PRKCQ: variants seen among roughly 807,000 people sequenced by gnomAD.
The protein encoded by PRKCQ is protein kinase C theta.
PRKCQ carries 41 observed loss-of-function variants against 91.2 expected under a neutral mutation model. That is an observed-to-expected ratio of 0.45 (90% CI 0.35 to 0.58). The LOEUF (loss-of-function observed/expected upper bound fraction) is 0.58. Among genes scored for constraint, PRKCQ ranks in the 20% least tolerant of loss-of-function variants. PRKCQ has a pLI of 0.00. For synonymous variants in PRKCQ, 307 were observed against 316.9 expected (o/e 0.97, Z 0.33); for missense variants, 673 against 896.5 (o/e 0.75, Z 3.18).
downstream of PRKCQ, among the ~76,000 whole-genome samples, chr10:6,424,795 C>T (rs377567380): frequency 2.3e-4 from 35 of 152,320 alleles, no homozygotes; most frequent in East Asian, 2.9e-3. Flanking sequence ...GCCAGCCTCT[C>T]GTGCACAGGG....
Position 6,524,682 on chromosome 10 carries a change from T to A in PRKCQ, c.-9-9538A>T, listed in dbSNP as rs79426137. ...AAATAAAATAACTTCTGATGTTGAATATGAACTTTTCTCCTTCAGCTCAGG... is the reference window on the plus strand; with the variant it reads ...AAATAAAATAACTTCTGATGTTGAAAATGAACTTTTCTCCTTCAGCTCAGG... On this transcript the variant is annotated intron_variant, in intron 1 of 17. Transcript: ENST00000263125. Among the ~76,000 whole-genome samples, 1,299 of 152,342 alleles carry A rather than the reference T, an allele frequency of 8.5e-3. 22 individuals carry two copies. The highest frequency in any genetic ancestry group is 0.029 in the African/African-American group (1,214 of 41,566).
At chr10:6,561,637 T>G (rs1329266562) in intron 1 of PRKCQ, among the ~76,000 whole-genome samples, 1 of 150,884 alleles carries the variant, frequency 6.6e-6, no homozygotes, top group Non-Finnish European at 1.5e-5. Flanking sequence ...TATGACAGAA[T>G]AGATTACTTT....
intron 1 of PRKCQ, among the ~76,000 whole-genome samples, chr10:6,555,995 C>A (rs371999285): frequency 1.3e-5 from 2 of 152,036 alleles, no homozygotes; most frequent in Non-Finnish European, 2.9e-5. Context: ...GGTAACAGAG[C>A]GAGACTCTGC....
At chr10:6,426,717 TATA>T (rs964168186), downstream of PRKCQ, among the ~76,000 whole-genome samples, 1 of 152,230 alleles carries the variant, frequency 6.6e-6, no homozygotes, top group African/African-American at 2.4e-5. Flanking sequence ...CTATTTTAAA[TATA>T]ATATCTAAAG....
At chr10:6,513,869 G>A (rs627715) in intron 2 of PRKCQ, among the ~76,000 whole-genome samples, 15,266 of 152,152 alleles carry the variant, frequency 0.1, 993 homozygotes, top group Middle Eastern at 0.23. Flanking sequence ...AATGTCCCTC[G>A]CTCACAGGCC....
At chr10:6,395,920 C>T in the PRKCQ span, among the ~76,000 whole-genome samples, 4 of 152,112 alleles carry the variant, frequency 2.6e-5, no homozygotes, top group East Asian at 3.9e-4. Flanking sequence ...GCTCTCGTGA[C>T]GGGTCTGAAT....
intron 7 of PRKCQ, among the ~76,000 whole-genome samples, chr10:6,492,465 T>G (rs1366691912): frequency 6.6e-6 from 1 of 152,176 alleles, no homozygotes; most frequent in Non-Finnish European, 1.5e-5. Context: ...AAGTCGCTTC[T>G]ATTAGTATCC....
intron 1 of PRKCQ, among the ~76,000 whole-genome samples, chr10:6,554,146 C>T (rs1840318056): frequency 6.6e-6 from 1 of 152,218 alleles, no homozygotes; most frequent in South Asian, 2.1e-4. Context: ...GCTGCTATTT[C>T]GTGATTCTAG....
At chr10:6,553,172 T>C (rs1266507253) in intron 1 of PRKCQ, among the ~76,000 whole-genome samples, 1 of 152,146 alleles carries the variant, frequency 6.6e-6, no homozygotes, top group Non-Finnish European at 1.5e-5. Context: ...GTTTTGACTT[T>C]GCAAACTCCC....
intron 1 of PRKCQ, among the ~76,000 whole-genome samples, chr10:6,527,248 T>C (rs1163099428): frequency 6.6e-6 from 1 of 152,230 alleles, no homozygotes; most frequent in African/African-American, 2.4e-5. Context: ...AGCCAGGTAC[T>C]GAAACTTCTT....
chr10:6,574,969 C>CT, intron 1 of PRKCQ, among the ~76,000 whole-genome samples: 1 of 151,938 alleles, frequency 6.6e-6, no homozygotes. Flanking sequence ...TACTGAAACA[C>CT]ACAATCATTC....
chr10:6,549,914 G>A (rs1368356869), intron 1 of PRKCQ, among the ~76,000 whole-genome samples: 1 of 151,964 alleles, frequency 6.6e-6, no homozygotes, highest in Non-Finnish European at 1.5e-5. Context: ...TTACAGGCGT[G>A]AGCCACCGCG....
intron 1 of PRKCQ, among the ~76,000 whole-genome samples, chr10:6,554,971 C>G (rs1840349395): frequency 6.6e-6 from 1 of 152,284 alleles, no homozygotes; most frequent in Admixed American, 6.5e-5. Flanking sequence ...GAATCATGTC[C>G]TTTGCAGCAA....
the PRKCQ span, among the ~76,000 whole-genome samples, chr10:6,414,179 G>A: frequency 1.3e-5 from 2 of 152,194 alleles, no homozygotes; most frequent in Non-Finnish European, 2.9e-5. Flanking sequence ...GGCAGCTGGG[G>A]CTCACAGGGC....
At chr10:6,469,117 T>G (rs1296637383) in intron 12 of PRKCQ, among the ~76,000 whole-genome samples, 1 of 152,184 alleles carries the variant, frequency 6.6e-6, no homozygotes, top group African/African-American at 2.4e-5. Context: ...CCCCAACCTT[T>G]GCAAGATTTG....
chr10:6,469,828 T>C (rs189292114), intron 12 of PRKCQ, among the ~76,000 whole-genome samples: 1 of 152,180 alleles, frequency 6.6e-6, no homozygotes, highest in African/African-American at 2.4e-5. Context: ...TCATTAGTTG[T>C]CAATGGAATA....
intron 2 of PRKCQ, among the ~76,000 whole-genome samples, chr10:6,514,093 C>T (rs1838628505): frequency 6.6e-6 from 1 of 152,194 alleles, no homozygotes; most frequent in African/African-American, 2.4e-5. Context: ...CTGGTCCCAG[C>T]ACTCTTGCAG....
At chr10:6,525,399 T>C (rs1372545875) in intron 1 of PRKCQ, among the ~76,000 whole-genome samples, 1 of 152,090 alleles carries the variant, frequency 6.6e-6, no homozygotes, top group Admixed American at 6.5e-5. Context: ...TCAACATGGC[T>C]AAACCCTGCC....
chr10:6,553,921 T>C (rs1368142743), intron 1 of PRKCQ, among the ~76,000 whole-genome samples: 1 of 151,870 alleles, frequency 6.6e-6, no homozygotes, highest in Non-Finnish European at 1.5e-5. Context: ...TAGTACAGAA[T>C]TATATTTGGT....
Sources: allele counts gnomAD v4.1 joint callset (sites outside exome capture counted in the v4.1 genomes callset), GRCh38; gene constraint gnomAD v4.1.1; transcripts MANE v1.5; gene names NCBI Gene and HGNC (gene_info 2026-07-23, HGNC 2026-07-21).